The following CASK variants were observed in gnomAD, a reference collection of about 807,000 sequenced individuals.
CASK encodes the protein peripheral plasma membrane protein CASK.
Under a neutral mutation model 82.9 loss-of-function variants are expected in CASK, and 4 were observed. That is an observed-to-expected ratio of 0.05 (90% CI 0.02 to 0.11). The LOEUF (loss-of-function observed/expected upper bound fraction) is 0.11, where lower values mean the gene tolerates loss of function less well. Among genes scored for constraint, CASK ranks in the 10% least tolerant of loss-of-function variants. CASK has a pLI of 1.00. For synonymous variants in CASK, 259 were observed against 253.5 expected (o/e 1.02, Z -0.20); for missense variants, 358 against 720.9 (o/e 0.50, Z 5.76).
At chrX:41,593,577 G>C (rs1322062998) in intron 12 of CASK, among the ~76,000 whole-genome samples, 1 of 111,630 alleles carries the variant, frequency 9.0e-6, no homozygotes, top group African/African-American at 3.3e-5. Context: ...CAGAGAGTAA[G>C]TAGTTTGGTC....
intron 21 of CASK, among the ~76,000 whole-genome samples, chrX:41,544,922 T>G (rs897269530): frequency 9.0e-6 from 1 of 111,022 alleles, no homozygotes; most frequent in Non-Finnish European, 1.9e-5. Context: ...TAAATAAAAA[T>G]AAAAAGAAAT....
At chrX:41,854,248 A>G (rs1318032284) in intron 1 of CASK, among the ~76,000 whole-genome samples, 2 of 109,331 alleles carry the variant, frequency 1.8e-5, no homozygotes, top group Admixed American at 9.6e-5. Context: ...ACACACACAC[A>G]CACACACACA....
chrX:41,764,388 G>A (rs990094144), intron 3 of CASK, among the ~76,000 whole-genome samples: 10 of 110,384 alleles, frequency 9.1e-5, no homozygotes, highest in Non-Finnish European at 1.7e-4. Flanking sequence ...AATCATCTAA[G>A]TAGCAACCAT....
chrX:41,858,045 T>G, intron 1 of CASK, among the ~76,000 whole-genome samples: 3 of 112,463 alleles, frequency 2.7e-5, no homozygotes, highest in Middle Eastern at 4.6e-3. Flanking sequence ...GGTCAATAAA[T>G]TACTTGCCAT....
intron 5 of CASK, among the ~76,000 whole-genome samples, chrX:41,678,981 A>G (rs1425912792): frequency 9.1e-6 from 1 of 109,834 alleles, no homozygotes; most frequent in Non-Finnish European, 1.9e-5. Context: ...ACTTGGGACC[A>G]GTAACTTGAG....
intron 5 of CASK, chrX:41,728,348 A>G: frequency 5.9e-6 from 1 of 168,340 alleles, no homozygotes; most frequent in South Asian, 2.7e-4. Flanking sequence ...TTATTTCATG[A>G]CTAGGATAAA....
chrX:41,845,565 C>G (rs1454694710), intron 2 of CASK, among the ~76,000 whole-genome samples: 2 of 111,463 alleles, frequency 1.8e-5, no homozygotes, highest in African/African-American at 3.3e-5. Context: ...TCATTTTCTA[C>G]TCATTTACTT....
At chrX:41,870,080 G>A (rs2071678847) in intron 1 of CASK, among the ~76,000 whole-genome samples, 1 of 110,029 alleles carries the variant, frequency 9.1e-6, no homozygotes, top group South Asian at 3.9e-4. Flanking sequence ...TGAGGAAATG[G>A]CTGAGAATTT....
chrX:41,776,249 T>C (rs2069362328), intron 3 of CASK, among the ~76,000 whole-genome samples: 1 of 112,206 alleles, frequency 8.9e-6, no homozygotes, highest in Non-Finnish European at 1.9e-5. Flanking sequence ...ATGACAGCTA[T>C]GATACCACTA....
chrX:41,749,181 C>T (rs2068745025), intron 3 of CASK, among the ~76,000 whole-genome samples: 1 of 107,640 alleles, frequency 9.3e-6, no homozygotes, highest in Non-Finnish European at 1.9e-5. Flanking sequence ...CCTAGCTACT[C>T]TGAAGGCTGA....
intron 3 of CASK, among the ~76,000 whole-genome samples, chrX:41,773,336 C>T (rs1305026984): frequency 9.8e-6 from 1 of 101,542 alleles, no homozygotes; most frequent in Non-Finnish European, 2.0e-5. Flanking sequence ...GATGGTGCCA[C>T]TGCCCTATGG....
intron 6 of CASK, among the ~76,000 whole-genome samples, chrX:41,667,405 T>G (rs189672115): frequency 8.9e-6 from 1 of 111,942 alleles, no homozygotes; most frequent in African/African-American, 3.2e-5. Context: ...CACAAAATTT[T>G]AAGAAAAGGA....
chrX:41,801,584 T>C (rs756535569), intron 2 of CASK, among the ~76,000 whole-genome samples: 99 of 111,947 alleles, frequency 8.8e-4, no homozygotes, highest in South Asian at 3.8e-3. Context: ...AGCACGCTGA[T>C]ATGCCTGTCA....
chrX:41,737,378 A>G (rs1318522312), intron 5 of CASK, among the ~76,000 whole-genome samples: 1 of 112,176 alleles, frequency 8.9e-6, no homozygotes, highest in East Asian at 2.8e-4. Flanking sequence ...TGAGCAAGTA[A>G]GCAGCAGTTA....
intron 3 of CASK, among the ~76,000 whole-genome samples, chrX:41,786,510 C>T (rs2069607258): frequency 9.2e-6 from 1 of 108,888 alleles, no homozygotes; most frequent in African/African-American, 3.4e-5. Context: ...ACTGAGATTA[C>T]AGGCATGAGT....
chrX:41,657,553 G>A (rs1349388525), intron 8 of CASK, among the ~76,000 whole-genome samples: 1 of 109,810 alleles, frequency 9.1e-6, no homozygotes, highest in Non-Finnish European at 1.9e-5. Flanking sequence ...ACAGAGTTTC[G>A]CTCTTGTAGC....
Position 41,711,912 on chromosome X carries a change from A to G in CASK, c.429+27472T>C, listed in dbSNP as rs367775204. ...TGCTCAATAAAATTCTTCCCTACCC[A>G]TCCTCACCCTTCAAATTGTCAGCGT... On this transcript the variant is annotated intron_variant, in intron 5 of 26. Transcript: ENST00000378163. Among the ~76,000 whole-genome samples the G allele has an allele frequency of 4.5e-5, 5 of 111,905 alleles. No homozygotes were observed. The East Asian group carries it at 1.1e-3, about 25-fold the overall frequency.
intron 2 of CASK, among the ~76,000 whole-genome samples, chrX:41,794,828 G>A (rs1194097262): frequency 8.9e-6 from 1 of 112,432 alleles, no homozygotes; most frequent in Non-Finnish European, 1.9e-5. Context: ...ACATACCTGT[G>A]CTTTATACTT....
chrX:41,679,466 C>T (rs111745461), intron 5 of CASK, among the ~76,000 whole-genome samples: 5,031 of 111,863 alleles, frequency 0.045, 119 homozygotes, highest in Non-Finnish European at 0.074. Context: ...TTACTACTGC[C>T]GTAAGTATTG....
Sources: gnomAD v4.1 joint callset for allele counts (sites outside exome capture counted in the v4.1 genomes callset) on GRCh38, gnomAD v4.1.1 for gene constraint, MANE v1.5 for transcripts, NCBI Gene and HGNC (gene_info 2026-07-23, HGNC 2026-07-21) for gene names.